The following NOX5 variants were observed in gnomAD, a reference collection of about 807,000 sequenced individuals.
NOX5 encodes the protein NADPH oxidase, EF-hand calcium binding domain 5.
Under a neutral mutation model 85.7 loss-of-function variants are expected in NOX5, and 76 were observed. The ratio of observed to expected loss-of-function variants is 0.89; its 90% CI spans 0.74 to 1.07. The LOEUF (loss-of-function observed/expected upper bound fraction) is 1.07, where lower values mean the gene tolerates loss of function less well. Ranked by LOEUF, NOX5 falls within the 50% of genes least tolerant of loss-of-function variation. The probability of loss-of-function intolerance (pLI) is 0.00; values close to 1 mark genes in which losing one functional copy is unlikely to be tolerated. For missense variants in NOX5, 973 were observed against 999.5 expected (o/e 0.97, Z 0.36); for synonymous variants, 405 against 401.4 (o/e 1.01, Z -0.11).
intron 14 of NOX5, among the ~76,000 whole-genome samples, chr15:69,054,156 C>T (rs1266219273): frequency 2.6e-5 from 4 of 151,892 alleles, no homozygotes; most frequent in African/African-American, 7.3e-5. Context: ...TGGCTTGAAC[C>T]GACGCTCAAG....
intron 1 of NOX5, among the ~76,000 whole-genome samples, chr15:69,025,517 C>G (rs1432035236): frequency 6.6e-6 from 1 of 152,200 alleles, no homozygotes; most frequent in South Asian, 2.1e-4. Flanking sequence ...TTGGGTGACT[C>G]AGTTTCCACT....
intron 2 of NOX5, among the ~76,000 whole-genome samples, chr15:69,027,428 C>T (rs905156533): frequency 3.3e-5 from 5 of 152,100 alleles, no homozygotes; most frequent in African/African-American, 4.8e-5. Context: ...AGAAGAAAGC[C>T]AAGGCAAGGT....
chr15:69,033,763 C>T (rs1363397997), intron 5 of NOX5, among the ~76,000 whole-genome samples: 2 of 142,130 alleles, frequency 1.4e-5, no homozygotes, highest in Non-Finnish European at 3.0e-5. Context: ...GGCACGATCT[C>T]AGCTCACTGC....
Position 69,047,821 on chromosome 15 carries a change from T to C in NOX5, c.1818-9T>C. The C allele has an allele frequency of 6.2e-7, 1 of 1,613,768 alleles. No individual in the cohort carries two copies. Among genetic ancestry groups the C allele is most frequent in the Non-Finnish European group, 8.5e-7 (1 of 1,179,916 alleles). ...AAATTTACAACCCCTTCCTCCTGCC[T>C]CCCCTCAGGCACCAGAAAAGAAAGC... On this transcript the variant is annotated splice_polypyrimidine_tract_variant and intron_variant, in intron 12 of 15. Coordinates refer to ENST00000388866, the MANE Select transcript of NOX5 (RefSeq NM_024505.4).
chr15:69,031,392 A>C, intron 3 of NOX5, 126 bp from the exon 4 acceptor site: 1 of 1,078,250 alleles, frequency 9.3e-7, no homozygotes, highest in Non-Finnish European at 1.3e-6. Flanking sequence ...GCAGTCGGGA[A>C]CATGGAAGGT....
intron 7 of NOX5, among the ~76,000 whole-genome samples, 168 bp from the exon 8 acceptor site, chr15:69,036,860 C>T (rs1403685481): frequency 6.6e-6 from 1 of 152,110 alleles, no homozygotes. Flanking sequence ...TGGCCAAGCA[C>T]CCAGAAAAAG....
rs780489729 is a variant in NOX5 at position 69,047,422 on chromosome 15, G to C, written c.1702G>C (p.Asp568His). The change falls in exon 12 of 16, where the codon GAT (aspartate) becomes CAT (histidine). Residue 568 changes from aspartate to histidine, a missense_variant. By Grantham distance (81) the Asp-to-His change is moderately conservative (BLOSUM62 -1). Transcript: ENST00000388866. ...HKFCNIKCYI[D>H]GPYGTPTRRI... ...GCCCTCTTGTGCACAGTGCTACATC[G>C]ATGGGCCTTATGGGACCCCCACCCG... 6.2e-7 allele frequency: 1 copy of C among 1,612,950 alleles called. No homozygotes were observed. Among genetic ancestry groups the C allele is most frequent in the East Asian group, 2.2e-5 (1 of 44,872 alleles).
At chr15:69,024,788 C>G (rs1245129134) in intron 1 of NOX5, among the ~76,000 whole-genome samples, 4 of 151,980 alleles carry the variant, frequency 2.6e-5, no homozygotes, top group African/African-American at 7.3e-5. Flanking sequence ...AAAAGTATCC[C>G]CCCACAGATA....
At chr15:69,040,587 G>A (rs1034833716) in intron 9 of NOX5, among the ~76,000 whole-genome samples, 3 of 152,162 alleles carry the variant, frequency 2.0e-5, no homozygotes, top group Admixed American at 1.3e-4. Flanking sequence ...GTATTCCAGT[G>A]TGTGGATACT....
chr15:69,034,729 T>G (rs1400796983), intron 5 of NOX5, among the ~76,000 whole-genome samples: 1 of 152,132 alleles, frequency 6.6e-6, no homozygotes, highest in Non-Finnish European at 1.5e-5. Context: ...GGGCACCAAG[T>G]CAACAGAGAT....
chr15:69,020,060 G>T lies in NOX5; in HGVS notation c.50+5275G>T, dbSNP rs532355604. Among the ~76,000 whole-genome samples the T allele has an allele frequency of 3.9e-5, 6 of 152,210 alleles. No homozygotes were observed. The South Asian group carries it at 1.2e-3, about 32-fold the overall frequency. ...ATATCTTTTGCTACTTTCCATTGCT[G>T]GTTTCTGTTTGTTTGTTTTTGCTTC... On this transcript the variant is annotated intron_variant, in intron 1 of 15. Transcript: ENST00000388866.
intron 4 of NOX5, among the ~76,000 whole-genome samples, 194 bp downstream of exon 4, chr15:69,032,006 A>C (rs1183719020): frequency 1.3e-5 from 2 of 152,050 alleles, no homozygotes; most frequent in African/African-American, 2.4e-5. Context: ...GTCTCTGCAG[A>C]ATCAACTCAA....
intron 1 of NOX5, among the ~76,000 whole-genome samples, chr15:69,019,896 G>A (rs1319263647): frequency 6.6e-6 from 1 of 152,034 alleles, no homozygotes; most frequent in Non-Finnish European, 1.5e-5. Context: ...TTTGATTTTT[G>A]GCATTCTGAT....
At position 69,028,373 on chromosome 15, in the gene NOX5, C is replaced by A; in HGVS notation, c.325+8C>A. ...AGGTGTATGACATCGATGGTAAGGG[C>A]TCTTCCTGGGTGTGGGCTGGGGTGG... On this transcript the variant is annotated splice_region_variant and intron_variant, in intron 3 of 15. Coordinates refer to ENST00000388866, the MANE Select transcript of NOX5 (RefSeq NM_024505.4). 6.3e-7 allele frequency: 1 copy of A among 1,587,712 alleles called. No individual in the cohort carries two copies. The highest frequency in any genetic ancestry group is 1.7e-5 in the Admixed American group (1 of 57,884).
chr15:69,047,662 C>A, intron 12 of NOX5, 125 bp downstream of exon 12: 1 of 1,375,270 alleles, frequency 7.3e-7, no homozygotes, highest in Non-Finnish European at 9.9e-7. Flanking sequence ...TCTTCTCTCT[C>A]TTTCCTCTCC....
At chr15:69,039,746 A>C (rs1204685468) in intron 9 of NOX5, among the ~76,000 whole-genome samples, 1 of 152,166 alleles carries the variant, frequency 6.6e-6, no homozygotes, top group Non-Finnish European at 1.5e-5. Context: ...GGTTCCCAGC[A>C]CACACAGAAC....
intron 1 of NOX5, among the ~76,000 whole-genome samples, chr15:69,021,702 C>G (rs2050297366): frequency 6.6e-6 from 1 of 152,174 alleles, no homozygotes; most frequent in Admixed American, 6.5e-5. Context: ...CTTAAATCCA[C>G]CAAACATTTG....
Position 69,058,135 on chromosome 15 carries a change from A to C in NOX5, c.*1439A>C, listed in dbSNP as rs60021368. The C allele has an allele frequency of 0.28, 42,898 of 152,282 alleles. 6,495 individuals carry two copies. The highest frequency in any genetic ancestry group is 0.39 in the South Asian group (1,900 of 4,820). The allele number at this position is 152,282 out of a possible 1,614,324, so 9.4% of individuals were successfully genotyped here. On this transcript the variant is annotated 3_prime_UTR_variant, in exon 16 of 16. Coordinates refer to ENST00000388866, the MANE Select transcript of NOX5 (RefSeq NM_024505.4). ...TAAAGCACCCTTCCCCAAGGCTGCC[A>C]TCATGGGGTTGGAACCAGGCACTTT...
At chr15:69,021,395 G>T (rs1033344185) in intron 1 of NOX5, among the ~76,000 whole-genome samples, 15 of 142,272 alleles carry the variant, frequency 1.1e-4, no homozygotes, top group Non-Finnish European at 4.5e-5. Context: ...TCAACTCACT[G>T]CAACCTCTGC....
Sources: gnomAD v4.1 joint callset for allele counts (sites outside exome capture counted in the v4.1 genomes callset) on GRCh38, gnomAD v4.1.1 for gene constraint, MANE v1.5 for transcripts, NCBI Gene and HGNC (gene_info 2026-07-23, HGNC 2026-07-21) for gene names.